CCSER2: variants seen among roughly 807,000 people sequenced by gnomAD.
CCSER2 encodes coiled-coil serine rich protein 2.
In CCSER2, 46 loss-of-function variants were observed where a neutral mutation model predicts 92.3. The observed-to-expected ratio is 0.50, with a 90% CI of 0.39 to 0.64. CCSER2 has a LOEUF of 0.64. CCSER2 is among the 30% of genes least tolerant of loss of function. The pLI is 0.00. For synonymous variants in CCSER2, 433 were observed against 431.4 expected (o/e 1.00, Z -0.04); for missense variants, 1,244 against 1,238.9 (o/e 1.00, Z -0.06).
intron 4 of CCSER2, among the ~76,000 whole-genome samples, chr10:84,421,288 T>G (rs1843136603): frequency 6.6e-6 from 1 of 152,236 alleles, no homozygotes; most frequent in Non-Finnish European, 1.5e-5. Context: ...TTTTGGAGAT[T>G]GTATTAATCC....
chr10:84,336,528 GGAGA>G (rs1304813980), intron 1 of CCSER2, among the ~76,000 whole-genome samples: 6 of 152,182 alleles, frequency 3.9e-5, no homozygotes, highest in Admixed American at 6.5e-5. Flanking sequence ...GCAGATATTA[GGAGA>G]GAGAGAGTAC....
intron 4 of CCSER2, among the ~76,000 whole-genome samples, chr10:84,420,808 C>G (rs1486989591): frequency 6.6e-6 from 1 of 151,810 alleles, no homozygotes; most frequent in Non-Finnish European, 1.5e-5. Context: ...AGGCACGTGC[C>G]TGTAGTCTCA....
intron 2 of CCSER2, among the ~76,000 whole-genome samples, chr10:84,373,226 T>C (rs1196726510): frequency 1.3e-5 from 2 of 152,078 alleles, no homozygotes; most frequent in African/African-American, 2.4e-5. Flanking sequence ...TATTTCCTTA[T>C]AGGGAGGCAA....
At chr10:84,430,685 T>C (rs919674457) in intron 5 of CCSER2, among the ~76,000 whole-genome samples, 3 of 152,218 alleles carry the variant, frequency 2.0e-5, no homozygotes, top group African/African-American at 7.2e-5. Flanking sequence ...GTTCTCAAGC[T>C]ACCACAAAGG....
chr10:84,371,033 A>G lies in CCSER2; in HGVS notation c.-20A>G. On this transcript the variant is annotated 5_prime_UTR_variant, in exon 2 of 10. Coordinates refer to ENST00000372088, the MANE Select transcript of CCSER2 (RefSeq NM_001284240.2). ...TCACAGATTCTTTCAACTTTTAAGA[A>G]CAAATGCACCTTATAGCTCATGGAA... 1 of 1,487,332 alleles carries G rather than the reference A, an allele frequency of 6.7e-7. No individual in the cohort carries two copies. The highest frequency in any genetic ancestry group is 9.0e-7 in the Non-Finnish European group (1 of 1,110,590). 92.1% of individuals were successfully genotyped at this position (1,487,332 alleles called of 1,614,324 possible).
intron 9 of CCSER2, among the ~76,000 whole-genome samples, chr10:84,500,535 G>C (rs1412757027): frequency 6.6e-6 from 1 of 152,180 alleles, no homozygotes; most frequent in East Asian, 1.9e-4. Context: ...AGAAGAAATG[G>C]CTTTTGAATA....
chr10:84,438,730 C>G (rs1331103484), intron 6 of CCSER2, 23 bp downstream of exon 6: 2 of 1,433,472 alleles, frequency 1.4e-6, no homozygotes. Context: ...TGAACATTTC[C>G]AGCTCTGATA....
chr10:84,433,548 A>G (rs1023289243), intron 5 of CCSER2, among the ~76,000 whole-genome samples: 1 of 152,198 alleles, frequency 6.6e-6, no homozygotes, highest in Non-Finnish European at 1.5e-5. Context: ...CACACATCTT[A>G]GTAATCAAGA....
At chr10:84,346,403 CTAAA>C (rs1182511035) in intron 1 of CCSER2, among the ~76,000 whole-genome samples, 2 of 151,316 alleles carry the variant, frequency 1.3e-5, no homozygotes, top group African/African-American at 4.9e-5. Context: ...AAAAAAAAAA[CTAAA>C]TATTTTGTGC....
chr10:84,440,159 TAA>T (rs1245825323), intron 6 of CCSER2, among the ~76,000 whole-genome samples: 1 of 152,160 alleles, frequency 6.6e-6, no homozygotes, highest in African/African-American at 2.4e-5. Context: ...ACCATAAAAA[TAA>T]AAAAGTGTTT....
intron 1 of CCSER2, among the ~76,000 whole-genome samples, chr10:84,359,819 A>AT (rs887960389): frequency 4.3e-4 from 64 of 149,328 alleles, no homozygotes; most frequent in African/African-American, 1.2e-3. Context: ...TTTTTATTTT[A>AT]TTTTTTTTTT....
rs548387104 is a variant in CCSER2, at chr10:84,379,276, A to G, written c.1614+5461A>G. 2.4e-3 allele frequency among the ~76,000 whole-genome samples: 366 copies of G among 152,228 alleles called. 1 individual carries two copies. Among genetic ancestry groups the G allele is most frequent in the African/African-American group, 8.4e-3 (350 of 41,560 alleles). On this transcript the variant is annotated intron_variant, in intron 3 of 9. Transcript: ENST00000372088. ...GATTATCCTCTTTTTAACATCTTAT[A>G]GGGACGTCTGCTTTTCATTCCTAAT...
At chr10:84,490,821 T>G (rs939996071) in intron 9 of CCSER2, among the ~76,000 whole-genome samples, 2 of 152,342 alleles carry the variant, frequency 1.3e-5, no homozygotes, top group African/African-American at 2.4e-5. Context: ...GTGCTCTGAT[T>G]TTTAGAATTT....
intron 3 of CCSER2, among the ~76,000 whole-genome samples, chr10:84,384,056 T>A (rs1041660017): frequency 2.6e-5 from 4 of 152,070 alleles, no homozygotes; most frequent in African/African-American, 9.7e-5. Flanking sequence ...GTGGATAAAT[T>A]CCTGCAAACA....
Position 84,477,137 on chromosome 10 carries a change from A to G in CCSER2, c.2236-438A>G, listed in dbSNP as rs150441220. 1.9e-4 allele frequency among the ~76,000 whole-genome samples: 29 copies of G among 152,322 alleles called. 1 individual carries two copies. The highest frequency in any genetic ancestry group is 3.3e-4 in the Admixed American group (5 of 15,298). On this transcript the variant is annotated intron_variant, in intron 8 of 9. Coordinates refer to ENST00000372088, the MANE Select transcript of CCSER2 (RefSeq NM_001284240.2). ...TTCTTTATATACTGAATATCCCTAT[A>G]TATTCTACATCCATATACTTAACTC...
chr10:84,469,348 G>A (rs1392635180), intron 7 of CCSER2, among the ~76,000 whole-genome samples: 1 of 151,872 alleles, frequency 6.6e-6, no homozygotes, highest in Admixed American at 6.6e-5. Flanking sequence ...ATTATCTTTT[G>A]TATGTAATAA....
intron 9 of CCSER2, among the ~76,000 whole-genome samples, chr10:84,505,676 C>T (rs1400112978): frequency 6.6e-6 from 1 of 151,730 alleles, no homozygotes; most frequent in East Asian, 1.9e-4. Context: ...GTATTTTGTA[C>T]CTTTTCGCAG....
chr10:84,332,436 AT>A (rs1187303667), intron 1 of CCSER2, among the ~76,000 whole-genome samples: 1,457 of 54,850 alleles, frequency 0.027, 5 homozygotes, highest in Admixed American at 0.048. Context: ...ATATATATAT[AT>A]TTTTTTTTTT....
At chr10:84,351,092 T>C (rs918293118) in intron 1 of CCSER2, among the ~76,000 whole-genome samples, 1 of 151,480 alleles carries the variant, frequency 6.6e-6, no homozygotes, top group Non-Finnish European at 1.5e-5. Context: ...CAATGATATT[T>C]TAAAAGTAGA....
Sources: allele counts gnomAD v4.1 joint callset (sites outside exome capture counted in the v4.1 genomes callset), GRCh38; gene constraint gnomAD v4.1.1; transcripts MANE v1.5; gene names NCBI Gene and HGNC (gene_info 2026-07-23, HGNC 2026-07-21).